The following CDH9 variants were observed in gnomAD, a reference collection of about 807,000 sequenced individuals.
The protein encoded by CDH9 is cadherin 9.
CDH9 carries 28 observed loss-of-function variants against 70.9 expected under a neutral mutation model. The ratio of observed to expected loss-of-function variants is 0.40; its 90% CI spans 0.29 to 0.54. The LOEUF (loss-of-function observed/expected upper bound fraction) is 0.54, where lower values mean the gene tolerates loss of function less well. Ranked by LOEUF, CDH9 falls within the 20% of genes least tolerant of loss-of-function variation. The pLI is 0.59. For synonymous variants in CDH9, 409 were observed against 343.1 expected (o/e 1.19, Z -2.12); for missense variants, 874 against 984.4 (o/e 0.89, Z 1.50).
chr5:26,913,654 C>A (rs1189336963), intron 3 of CDH9, among the ~76,000 whole-genome samples: 3 of 151,710 alleles, frequency 2.0e-5, no homozygotes, highest in African/African-American at 4.8e-5. Context: ...ATAGTTTGTA[C>A]AATATAAACT....
rs552712186 is a variant in CDH9 at position 26,947,276 on chromosome 5, T to A, written c.229-31352A>T. Among the ~76,000 whole-genome samples, 150 of 152,274 alleles carry A rather than the reference T, an allele frequency of 9.9e-4. 2 individuals are homozygous for A. The highest frequency in any genetic ancestry group is 3.5e-3 in the African/African-American group (144 of 41,570). The stretch of plus-strand genomic sequence containing the variant: ...AAATTCCCTTTTAAACAATTTTTCA[T>A]GGCTAGTAAGCTAAATTTCTATTCA... On this transcript the variant is annotated intron_variant, in intron 2 of 11. Coordinates refer to ENST00000231021, the MANE Select transcript of CDH9 (RefSeq NM_016279.4).
At chr5:26,919,569 C>T (rs1046097191) in intron 2 of CDH9, among the ~76,000 whole-genome samples, 1 of 152,102 alleles carries the variant, frequency 6.6e-6, no homozygotes, top group Non-Finnish European at 1.5e-5. Context: ...GGGGATGTGA[C>T]CTAGTGAGAC....
intron 1 of CDH9, among the ~76,000 whole-genome samples, chr5:27,031,444 T>C (rs1743308910): frequency 6.6e-6 from 1 of 151,926 alleles, no homozygotes; most frequent in Non-Finnish European, 1.5e-5. Flanking sequence ...ACTCACATTT[T>C]CCTGTAATTT....
chr5:26,938,408 TC>T (rs979344611), intron 2 of CDH9, among the ~76,000 whole-genome samples: 2 of 151,976 alleles, frequency 1.3e-5, no homozygotes, highest in African/African-American at 4.8e-5. Context: ...AAAATCTTGC[TC>T]AACACATTAT....
chr5:26,889,136 A>G (rs1048099003), intron 9 of CDH9, among the ~76,000 whole-genome samples: 1 of 152,148 alleles, frequency 6.6e-6, no homozygotes, highest in East Asian at 1.9e-4. Flanking sequence ...ATGATTCTTA[A>G]CATCTACCTA....
chr5:26,973,498 T>C (rs10942223), intron 2 of CDH9, among the ~76,000 whole-genome samples: 71,492 of 151,860 alleles, frequency 0.47, 17,669 homozygotes, highest in Non-Finnish European at 0.53. Context: ...GACATATTAA[T>C]AACTGATGTT....
At chr5:26,983,191 G>T (rs569690699) in intron 2 of CDH9, among the ~76,000 whole-genome samples, 1 of 152,234 alleles carries the variant, frequency 6.6e-6, no homozygotes, top group South Asian at 2.1e-4. Context: ...ATGAACAAAA[G>T]GTCAGGTGTG....
intron 7 of CDH9, among the ~76,000 whole-genome samples, chr5:26,895,003 A>G (rs922365103): frequency 6.6e-6 from 1 of 152,100 alleles, no homozygotes; most frequent in Non-Finnish European, 1.5e-5. Flanking sequence ...TCAAGCATGT[A>G]TCATATATCT....
At chr5:27,023,332 T>C (rs1743170958) in intron 1 of CDH9, among the ~76,000 whole-genome samples, 2 of 152,052 alleles carry the variant, frequency 1.3e-5, no homozygotes, top group South Asian at 4.1e-4. Flanking sequence ...CATATTTTTG[T>C]TTTAGGAAGA....
At position 26,902,739 on chromosome 5, in the gene CDH9, A is replaced by C; in HGVS notation, c.1000-10T>G. ...TTTCAAAATCTAAATTCTGGAGTTA[A>C]ATAACATAAAAGAAATTAGCATAAT... On this transcript the variant is annotated splice_polypyrimidine_tract_variant and intron_variant, in intron 6 of 11. Transcript: ENST00000231021. 1 of 1,474,658 alleles carries C rather than the reference A, an allele frequency of 6.8e-7. No individual in the cohort carries two copies. The highest frequency in any genetic ancestry group is 2.3e-5 in the East Asian group (1 of 43,944). 91.3% of individuals were successfully genotyped at this position (1,474,658 alleles called of 1,614,324 possible).
chr5:26,924,887 T>A (rs1741310142), intron 2 of CDH9, among the ~76,000 whole-genome samples: 1 of 152,078 alleles, frequency 6.6e-6, no homozygotes, highest in Non-Finnish European at 1.5e-5. Flanking sequence ...GAACTCAACA[T>A]TTTTTATGGC....
At chr5:26,905,003 T>A (rs1439402906) in intron 5 of CDH9, among the ~76,000 whole-genome samples, 1 of 152,072 alleles carries the variant, frequency 6.6e-6, no homozygotes, top group Non-Finnish European at 1.5e-5. Flanking sequence ...TTATTTAGGC[T>A]TATTATTTAT....
chr5:26,998,177 A>T (rs1399761700), intron 1 of CDH9, among the ~76,000 whole-genome samples: 1 of 152,188 alleles, frequency 6.6e-6, no homozygotes, highest in Non-Finnish European at 1.5e-5. Flanking sequence ...CCAATGCCCA[A>T]CAGGGCTTCT....
Position 26,906,100 on chromosome 5 carries a change from T to A in CDH9, c.670A>T (p.Met224Leu). Residue 224 changes from methionine (M) to leucine (L), a missense_variant, in exon 5 of 12, where the codon ATG (methionine) becomes TTG (leucine). Met to Leu is a conservative substitution (Grantham distance 15). Coordinates refer to ENST00000231021, the MANE Select transcript of CDH9 (RefSeq NM_016279.4). ...SGIIKTALPD[M>L]SRENREQYQV... ...TACTGCTCTCTATTTTCTCTGCTCA[T>A]GTCTGGTAATGCAGTTTTTATTATG... 1 of 1,613,118 alleles carries A rather than the reference T, an allele frequency of 6.2e-7. No individual in the cohort carries two copies. Among genetic ancestry groups the A allele is most frequent in the Non-Finnish European group, 8.5e-7 (1 of 1,179,488 alleles).
chr5:26,886,722 A>G (rs1260979831), intron 9 of CDH9, among the ~76,000 whole-genome samples: 1 of 152,186 alleles, frequency 6.6e-6, no homozygotes, highest in African/African-American at 2.4e-5. Flanking sequence ...TGTAAAATCA[A>G]TGTTGAAGTT....
At position 26,996,328 on chromosome 5, in the gene CDH9, T is replaced by C. The variant is rs186704965; in HGVS notation, c.-49-7946A>G. Among the ~76,000 whole-genome samples the C allele has an allele frequency of 1.8e-4, 27 of 152,188 alleles. No individual in the cohort carries two copies. The East Asian group carries it at 3.9e-3, about 22-fold the overall frequency. ...AAAACTGTGTGATACGGTCATATAA[T>C]TTAAATATTTTTTCAAATAATATTT... On this transcript the variant is annotated intron_variant, in intron 1 of 11. Coordinates refer to ENST00000231021, the MANE Select transcript of CDH9 (RefSeq NM_016279.4).
chr5:26,885,126 G>A (rs1740541660), intron 11 of CDH9, among the ~76,000 whole-genome samples: 1 of 152,120 alleles, frequency 6.6e-6, no homozygotes. Flanking sequence ...TTAACAGTTA[G>A]TAACTATAAG....
chr5:26,943,020 T>C (rs1171106900), intron 2 of CDH9, among the ~76,000 whole-genome samples: 1 of 152,222 alleles, frequency 6.6e-6, no homozygotes, highest in Admixed American at 6.5e-5. Flanking sequence ...TATCCTGTTA[T>C]ATGGGACAAG....
chr5:26,902,435 T>C (rs1740872091), intron 7 of CDH9, 41 bp downstream of exon 7: 1 of 1,385,544 alleles, frequency 7.2e-7, no homozygotes, highest in Admixed American at 1.8e-5. Context: ...GTGAGATTAT[T>C]ATATTTCTAA....
Sources: allele counts gnomAD v4.1 joint callset (sites outside exome capture counted in the v4.1 genomes callset), GRCh38; gene constraint gnomAD v4.1.1; transcripts MANE v1.5; gene names NCBI Gene and HGNC (gene_info 2026-07-23, HGNC 2026-07-21).